FRK: variants seen among roughly 807,000 people sequenced by gnomAD.
FRK encodes the protein fyn related Src family tyrosine kinase, also known as tyrosine-protein kinase FRK.
In FRK, 51 loss-of-function variants were observed where a neutral mutation model predicts 56.4. That is an observed-to-expected ratio of 0.90 (90% CI 0.72 to 1.14). FRK has a LOEUF of 1.14. Among genes scored for constraint, FRK ranks in the 50% most tolerant of loss-of-function variants. The pLI is 0.00. For missense variants in FRK, 570 were observed against 601.4 expected (o/e 0.95, Z 0.55); for synonymous variants, 245 against 217.9 (o/e 1.12, Z -1.10).
chr6:115,945,794 AT>A (rs1041274845), intron 5 of FRK, among the ~76,000 whole-genome samples: 5 of 152,134 alleles, frequency 3.3e-5, no homozygotes, highest in Non-Finnish European at 7.4e-5. Flanking sequence ...TAGGTTGCTC[AT>A]CTCTCCAGAC....
At chr6:116,070,853 A>T in the FRK span, among the ~76,000 whole-genome samples, 1 of 152,114 alleles carries the variant, frequency 6.6e-6, no homozygotes, top group Admixed American at 6.6e-5. Flanking sequence ...GAGCTTCAAG[A>T]ATTTCTTGTC....
rs1772137271 is a variant in FRK, at chr6:115,940,574, T to C, written c.*1840A>G. On this transcript the variant is annotated 3_prime_UTR_variant, in exon 8 of 8. Coordinates refer to ENST00000606080, the MANE Select transcript of FRK (RefSeq NM_002031.3). ...AGAATGGGAGAAAATTTTTGCAAGC[T>C]ATCCATCTGACAAAGGGCTAATACC... is the stretch of plus-strand genomic sequence containing the variant. 6.6e-6 allele frequency: 1 copy of C among 152,104 alleles called. No homozygotes were observed. The highest frequency in any genetic ancestry group is 1.5e-5 in the Non-Finnish European group (1 of 68,008). The allele number at this position is 152,104 out of a possible 1,614,324, so 9.4% of individuals were successfully genotyped here.
At chr6:116,055,808 A>C in intron 1 of FRK, among the ~76,000 whole-genome samples, 1 of 152,364 alleles carries the variant, frequency 6.6e-6, no homozygotes, top group East Asian at 1.9e-4. Context: ...TGACCTAGAA[A>C]AATGTGGAGC....
chr6:115,994,988 A>T (rs1367804108), intron 2 of FRK, among the ~76,000 whole-genome samples: 3 of 152,150 alleles, frequency 2.0e-5, no homozygotes, highest in African/African-American at 7.2e-5. Flanking sequence ...CTAACTGCAC[A>T]TCTTGCCTCT....
chr6:115,950,088 A>T lies in FRK; in HGVS notation c.959-5663T>A, dbSNP rs971887461. Among the ~76,000 whole-genome samples the T allele has an allele frequency of 2.0e-5, 3 of 152,218 alleles. No individual in the cohort carries two copies. The East Asian group carries it at 5.8e-4, about 29-fold the overall frequency. The stretch of plus-strand genomic sequence containing the variant: ...TAAAACCATAAAAACCCTAGAAGAA[A>T]ACCTAGGCAATACCATTCAGGACAT... On this transcript the variant is annotated intron_variant, in intron 5 of 7. Coordinates refer to ENST00000606080, the MANE Select transcript of FRK (RefSeq NM_002031.3).
intron 1 of FRK, among the ~76,000 whole-genome samples, chr6:116,034,323 T>A (rs1351129061): frequency 3.3e-5 from 5 of 152,140 alleles, no homozygotes; most frequent in African/African-American, 1.2e-4. Flanking sequence ...ACTTGATCAT[T>A]ATATATTGTA....
In FRK at chr6:115,934,593, C is replaced by G. The variant is rs2114487965; in HGVS notation, c.*7821G>C. The stretch of plus-strand genomic sequence containing the variant: ...CTGCTAATGATATTGTGCCTGGAGC[C>G]CTCCCTACTTCCTGTCTCCCAGTTA... On this transcript the variant is annotated 3_prime_UTR_variant, in exon 8 of 8. Transcript: ENST00000606080. The G allele has an allele frequency of 6.6e-6, 1 of 152,244 alleles. No homozygotes were observed. The highest frequency in any genetic ancestry group is 1.5e-5 in the Non-Finnish European group (1 of 68,036). The allele number at this position is 152,244 out of a possible 1,614,324, so 9.4% of individuals were successfully genotyped here. A position where few individuals can be genotyped will look rare whatever the true frequency, so the allele number is the denominator to read the frequency against.
intron 5 of FRK, among the ~76,000 whole-genome samples, chr6:115,954,931 CAT>C (rs1002913785): frequency 3.3e-5 from 5 of 152,136 alleles, no homozygotes; most frequent in South Asian, 2.1e-4. Context: ...AAGAAATAAA[CAT>C]GTGTGTTAAG....
chr6:116,063,590 G>A (rs1367228899), upstream of FRK, among the ~76,000 whole-genome samples: 1 of 152,124 alleles, frequency 6.6e-6, no homozygotes, highest in Non-Finnish European at 1.5e-5. Context: ...GTTGGTTGAA[G>A]GGTACAATGT....
chr6:115,997,589 A>G (rs1774889981), intron 2 of FRK, among the ~76,000 whole-genome samples: 1 of 151,842 alleles, frequency 6.6e-6, no homozygotes, highest in African/African-American at 2.4e-5. Context: ...CTATCCCCCA[A>G]TCCCTCATGT....
Position 116,010,589 on chromosome 6 carries a change from G to A in FRK, c.345-6591C>T, listed in dbSNP as rs970363347. Reference sequence around the variant, plus strand: ...AGGATTTCAAATCTGAATGACTAAAGGACAATATGTCCTGCAACATGTCAG... The same window carrying A: ...AGGATTTCAAATCTGAATGACTAAAAGACAATATGTCCTGCAACATGTCAG... On this transcript the variant is annotated intron_variant, in intron 1 of 7. Transcript: ENST00000606080. Among the ~76,000 whole-genome samples, 4 of 152,120 alleles carry A rather than the reference G, an allele frequency of 2.6e-5. No individual in the cohort carries two copies. The East Asian group carries it at 5.8e-4, about 22-fold the overall frequency.
At chr6:116,086,585 C>A in the FRK span, among the ~76,000 whole-genome samples, 1 of 152,038 alleles carries the variant, frequency 6.6e-6, no homozygotes, top group African/African-American at 2.4e-5. Flanking sequence ...TTTGACAGAA[C>A]GAAAAATTAA....
chr6:116,037,078 G>A (rs1776514903), intron 1 of FRK, among the ~76,000 whole-genome samples: 1 of 152,196 alleles, frequency 6.6e-6, no homozygotes, highest in East Asian at 1.9e-4. Context: ...TGCTTTCTTT[G>A]TAGACTTTCT....
intron 5 of FRK, among the ~76,000 whole-genome samples, chr6:115,951,883 T>C (rs1772767969): frequency 6.6e-6 from 1 of 152,154 alleles, no homozygotes; most frequent in South Asian, 2.1e-4. Flanking sequence ...CCTATGATGA[T>C]TTACATTTGC....
the FRK span, among the ~76,000 whole-genome samples, chr6:116,068,366 A>G: frequency 6.6e-6 from 1 of 152,206 alleles, no homozygotes; most frequent in Non-Finnish European, 1.5e-5. Flanking sequence ...AATGACTATT[A>G]GAAGCTAATA....
At chr6:116,070,308 G>T in the FRK span, among the ~76,000 whole-genome samples, 2 of 152,016 alleles carry the variant, frequency 1.3e-5, no homozygotes, top group Non-Finnish European at 2.9e-5. Flanking sequence ...GCTAGCATAG[G>T]TGGCAGGGTT....
At chr6:116,024,836 A>C (rs551427481) in intron 1 of FRK, among the ~76,000 whole-genome samples, 1 of 152,234 alleles carries the variant, frequency 6.6e-6, no homozygotes, top group South Asian at 2.1e-4. Context: ...CTGAGGAATC[A>C]CCACACTGAC....
rs559985040 is a variant in FRK, at chr6:115,991,412, A to G, written c.466+12465T>C. ...GTATGATGTTGGCTGTGGGTTTATC[A>G]TCTAAGGCTCTTATTATTTTGAGTT... On this transcript the variant is annotated intron_variant, in intron 2 of 7. Coordinates refer to ENST00000606080, the MANE Select transcript of FRK (RefSeq NM_002031.3). Among the ~76,000 whole-genome samples, 3 of 151,928 alleles carry G rather than the reference A, an allele frequency of 2.0e-5. No individual in the cohort carries two copies. The East Asian group carries it at 5.8e-4, about 29-fold the overall frequency.
chr6:115,956,731 A>G, intron 4 of FRK, 121 bp from the exon 5 acceptor site: 1 of 707,458 alleles, frequency 1.4e-6, no homozygotes, highest in Non-Finnish European at 2.2e-6. Flanking sequence ...CCTCAGTATC[A>G]CAAATCTTCA....
Sources: gnomAD v4.1 joint callset for allele counts (sites outside exome capture counted in the v4.1 genomes callset) on GRCh38, gnomAD v4.1.1 for gene constraint, MANE v1.5 for transcripts, NCBI Gene and HGNC (gene_info 2026-07-23, HGNC 2026-07-21) for gene names.